Variants in IMMP2L observed in about 807,000 individuals in gnomAD.
IMMP2L encodes mitochondrial inner membrane protease subunit 2.
In IMMP2L, 18 loss-of-function variants were observed where a neutral mutation model predicts 19.3. That is an observed-to-expected ratio of 0.93 (90% CI 0.64 to 1.38). The LOEUF (loss-of-function observed/expected upper bound fraction) is 1.38. Ranked by LOEUF, IMMP2L falls within the 40% of genes most tolerant of loss-of-function variation. IMMP2L has a pLI of 0.00. For missense variants in IMMP2L, 233 were observed against 218.2 expected (o/e 1.07, Z -0.43); for synonymous variants, 76 against 73.0 (o/e 1.04, Z -0.21).
chr7:111,413,996 AC>A (rs1368602071), intron 3 of IMMP2L, among the ~76,000 whole-genome samples: 1 of 151,744 alleles, frequency 6.6e-6, no homozygotes, highest in Non-Finnish European at 1.5e-5. Flanking sequence ...AGCCAGTTCC[AC>A]TAGCATCCCA....
intron 1 of IMMP2L, among the ~76,000 whole-genome samples, chr7:111,532,797 AT>A (rs1252712441): frequency 1.3e-5 from 2 of 152,208 alleles, no homozygotes; most frequent in Non-Finnish European, 2.9e-5. Context: ...TATTCAGACT[AT>A]GGCTTGAAGA....
At chr7:111,494,480 A>G (rs928645852) in intron 2 of IMMP2L, among the ~76,000 whole-genome samples, 1 of 152,136 alleles carries the variant, frequency 6.6e-6, no homozygotes, top group African/African-American at 2.4e-5. Flanking sequence ...GCATTCTCAC[A>G]CTCATCTATT....
Position 110,902,663 on chromosome 7 carries a change from G to A in IMMP2L, c.306-15968C>T, listed in dbSNP as rs1285213219. Among the ~76,000 whole-genome samples the A allele has an allele frequency of 2.1e-4, 8 of 38,116 alleles. 2 individuals are homozygous for A. Among genetic ancestry groups the A allele is most frequent in the Non-Finnish European group, 3.5e-4 (8 of 22,678 alleles). 25.0% of individuals were successfully genotyped at this position (38,116 alleles called of 152,430 possible). A position where few individuals can be genotyped will look rare whatever the true frequency, so the allele number is the denominator to read the frequency against. On this transcript the variant is annotated intron_variant, in intron 4 of 5. Transcript: ENST00000405709. ...GACTCGGCCGGGCGCGGTGGCTCAC[G>A]CCTGTAATCCCAGCACTTTGGGAGG...
chr7:110,964,342 G>C (rs971274609), intron 3 of IMMP2L, among the ~76,000 whole-genome samples: 2 of 151,954 alleles, frequency 1.3e-5, no homozygotes, highest in South Asian at 4.1e-4. Context: ...TTAAAATTAA[G>C]AAAGGAGTTT....
intron 3 of IMMP2L, among the ~76,000 whole-genome samples, chr7:111,003,323 A>T (rs1014709642): frequency 1.3e-5 from 2 of 152,134 alleles, no homozygotes; most frequent in East Asian, 3.8e-4. Flanking sequence ...TAGTATATAA[A>T]TTATAAAGCT....
intron 1 of IMMP2L, among the ~76,000 whole-genome samples, chr7:111,534,399 C>T (rs1168993703): frequency 6.6e-6 from 1 of 151,944 alleles, no homozygotes; most frequent in Non-Finnish European, 1.5e-5. Context: ...TTAATATGAA[C>T]CCATTTATGT....
intron 5 of IMMP2L, among the ~76,000 whole-genome samples, chr7:110,766,348 T>C (rs1798661495): frequency 6.6e-6 from 1 of 152,116 alleles, no homozygotes; most frequent in Admixed American, 6.6e-5. Context: ...CCCAGCACTT[T>C]GGGAGTCTAA....
At chr7:110,751,222 T>A (rs574815962) in intron 5 of IMMP2L, among the ~76,000 whole-genome samples, 1 of 151,184 alleles carries the variant, frequency 6.6e-6, no homozygotes, top group Non-Finnish European at 1.5e-5. Flanking sequence ...ACAGTCATTA[T>A]GGAAAGACAG....
intron 3 of IMMP2L, chr7:111,124,454 A>C: frequency 6.2e-7 from 1 of 1,613,936 alleles, no homozygotes; most frequent in Non-Finnish European, 8.5e-7. Context: ...GTCAAGACTG[A>C]AAATTCTCAT....
chr7:110,691,225 AC>A (rs1276679165), intron 5 of IMMP2L, among the ~76,000 whole-genome samples: 1 of 152,104 alleles, frequency 6.6e-6, no homozygotes, highest in African/African-American at 2.4e-5. Context: ...GGGAAAGGAC[AC>A]CCTATGTCAT....
chr7:111,385,538 G>A (rs1831650559), intron 3 of IMMP2L, among the ~76,000 whole-genome samples: 1 of 152,140 alleles, frequency 6.6e-6, no homozygotes, highest in East Asian at 1.9e-4. Context: ...GACAGGACTA[G>A]CAGTATCACT....
chr7:111,033,405 G>A (rs1015620141), intron 3 of IMMP2L, among the ~76,000 whole-genome samples: 1 of 151,954 alleles, frequency 6.6e-6, no homozygotes, highest in South Asian at 2.1e-4. Context: ...TTTGAAAGAG[G>A]GTTTGGCAGT....
chr7:111,555,142 T>TA (rs895359457), intron 1 of IMMP2L, among the ~76,000 whole-genome samples: 6 of 152,168 alleles, frequency 3.9e-5, no homozygotes, highest in African/African-American at 1.4e-4. Flanking sequence ...TAGCAGATAT[T>TA]AATACATGTT....
chr7:111,048,096 C>T (rs902231949), intron 3 of IMMP2L, among the ~76,000 whole-genome samples: 3 of 151,342 alleles, frequency 2.0e-5, no homozygotes, highest in Non-Finnish European at 2.9e-5. Context: ...AAAAATTAGC[C>T]GGGCGTGGTG....
At chr7:110,991,817 G>A (rs185853072) in intron 3 of IMMP2L, among the ~76,000 whole-genome samples, 11 of 152,028 alleles carry the variant, frequency 7.2e-5, no homozygotes, top group East Asian at 5.8e-4. Flanking sequence ...CACAATAACC[G>A]TCCACCCCTG....
At chr7:110,922,239 T>C (rs919381912) in intron 4 of IMMP2L, among the ~76,000 whole-genome samples, 9 of 152,344 alleles carry the variant, frequency 5.9e-5, no homozygotes, top group South Asian at 2.1e-4. Flanking sequence ...AAAATGTATA[T>C]GGCAATGTTT....
At chr7:111,048,165 G>T (rs533409897) in intron 3 of IMMP2L, among the ~76,000 whole-genome samples, 1 of 147,466 alleles carries the variant, frequency 6.8e-6, no homozygotes, top group African/African-American at 2.5e-5. Context: ...GCGTGAACCC[G>T]GGAGGCAGAG....
At chr7:110,696,499 C>T (rs1793898499) in intron 5 of IMMP2L, among the ~76,000 whole-genome samples, 1 of 147,116 alleles carries the variant, frequency 6.8e-6, no homozygotes, top group Non-Finnish European at 1.5e-5. Context: ...CGATCTCGGC[C>T]CACCGCAATC....
chr7:111,311,078 C>G (rs1017974428), intron 3 of IMMP2L, among the ~76,000 whole-genome samples: 2 of 152,132 alleles, frequency 1.3e-5, no homozygotes, highest in East Asian at 3.8e-4. Context: ...GATGGGAGAA[C>G]AGTTCCAGGG....
Sources: gnomAD v4.1 joint callset for allele counts (sites outside exome capture counted in the v4.1 genomes callset) on GRCh38, gnomAD v4.1.1 for gene constraint, MANE v1.5 for transcripts, NCBI Gene and HGNC (gene_info 2026-07-23, HGNC 2026-07-21) for gene names.